ABCA9: variants seen among roughly 807,000 people sequenced by gnomAD.
ABCA9 encodes ATP-binding cassette sub-family A member 9.
A neutral mutation model predicts 205.3 loss-of-function variants in ABCA9; 183 were observed. The observed-to-expected ratio is 0.89, with a 90% CI of 0.79 to 1.01. The LOEUF is 1.01. Among genes scored for constraint, ABCA9 ranks in the 50% least tolerant of loss-of-function variants. The probability of loss-of-function intolerance (pLI) is 0.00; values close to 1 mark genes in which losing one functional copy is unlikely to be tolerated. For synonymous variants in ABCA9, 651 were observed against 683.3 expected, an observed-to-expected ratio of 0.95 and a Z score of 0.74; for missense variants, 1,805 against 1,912.4, an observed-to-expected ratio of 0.94 and a Z score of 1.05.
At chr17:69,073,386 A>G in the ABCA9 span, among the ~76,000 whole-genome samples, 14 of 152,246 alleles carry the variant, frequency 9.2e-5, no homozygotes, top group Non-Finnish European at 2.1e-4. Context: ...AAGAATGGAA[A>G]TCATAACAAA....
chr17:69,018,602 G>A, intron 19 of ABCA9, 23 bp from the exon 20 acceptor site: 1 of 1,525,358 alleles, frequency 6.6e-7, no homozygotes, highest in Non-Finnish European at 8.7e-7. Context: ...AAATGTAAAA[G>A]AAAAAAATAA....
chr17:69,028,955 T>C (rs1257763939), intron 11 of ABCA9, among the ~76,000 whole-genome samples: 11 of 151,890 alleles, frequency 7.2e-5, no homozygotes, highest in Admixed American at 6.6e-4. Context: ...CTATCATATA[T>C]CTTTCAAACC....
intron 28 of ABCA9, among the ~76,000 whole-genome samples, chr17:68,991,524 T>TATCTC (rs2069454431): frequency 1.3e-5 from 2 of 152,296 alleles, no homozygotes; most frequent in Non-Finnish European, 2.9e-5. Context: ...CTCATTCTTT[T>TATCTC]ATCTCTCCCT....
chr17:68,976,678 A>G (rs1311710663), intron 37 of ABCA9, among the ~76,000 whole-genome samples: 1 of 152,194 alleles, frequency 6.6e-6, no homozygotes, highest in Non-Finnish European at 1.5e-5. Flanking sequence ...TAAGTTCTAC[A>G]TGACTCTACC....
intron 37 of ABCA9, among the ~76,000 whole-genome samples, chr17:68,981,846 A>AG (rs1164203570): frequency 6.6e-6 from 1 of 150,380 alleles, no homozygotes; most frequent in Admixed American, 6.6e-5. Context: ...AAAAAAAAAA[A>AG]AAAAAAAAAA....
intron 31 of ABCA9, among the ~76,000 whole-genome samples, chr17:68,987,745 TG>T (rs200240414): frequency 0.056 from 5,148 of 91,906 alleles, 283 homozygotes; most frequent in African/African-American, 0.13. Flanking sequence ...CGTTTTTTTT[TG>T]TTTGTTTGTT....
At chr17:69,005,128 G>A (rs897820993) in intron 25 of ABCA9, among the ~76,000 whole-genome samples, 2 of 152,158 alleles carry the variant, frequency 1.3e-5, no homozygotes, top group African/African-American at 2.4e-5. Flanking sequence ...GTTCCTATTC[G>A]GCCATCTTGG....
upstream of ABCA9, among the ~76,000 whole-genome samples, chr17:69,062,137 C>CT (rs2072271923): frequency 6.9e-6 from 1 of 144,134 alleles, no homozygotes; most frequent in Non-Finnish European, 1.5e-5. Flanking sequence ...GACTGTCAAA[C>CT]TTAAAAAAAA....
intron 9 of ABCA9, 118 bp downstream of exon 9, chr17:69,033,608 G>A (rs754897540): frequency 3.7e-6 from 3 of 808,798 alleles, no homozygotes; most frequent in Admixed American, 2.6e-5. Flanking sequence ...ATATCATTAG[G>A]CTTGTTGTAG....
chr17:69,009,363 G>C (rs2070285424), intron 23 of ABCA9, among the ~76,000 whole-genome samples: 2 of 152,174 alleles, frequency 1.3e-5, no homozygotes. Context: ...TGACCGGTCA[G>C]AAAGCACTGT....
At chr17:69,015,162 G>GTGTT (rs1215952132) in intron 22 of ABCA9, among the ~76,000 whole-genome samples, 1 of 151,870 alleles carries the variant, frequency 6.6e-6, no homozygotes, top group East Asian at 1.9e-4. Context: ...TCTATTCCAT[G>GTGTT]TGTTAGACTG....
At chr17:69,014,813 C>T (rs944017501) in intron 22 of ABCA9, among the ~76,000 whole-genome samples, 3 of 152,138 alleles carry the variant, frequency 2.0e-5, no homozygotes, top group Non-Finnish European at 4.4e-5. Context: ...AGGATGGACA[C>T]ATCAAACAAT....
intron 18 of ABCA9, 53 bp downstream of exon 18, chr17:69,021,689 C>T: frequency 8.5e-7 from 1 of 1,180,240 alleles, no homozygotes; most frequent in Non-Finnish European, 1.2e-6. Context: ...TCCTTCCTTC[C>T]TTCCTTCCTT....
upstream of ABCA9, among the ~76,000 whole-genome samples, chr17:69,064,707 TAG>T (rs1163529740): frequency 2.0e-5 from 3 of 152,232 alleles, no homozygotes; most frequent in Non-Finnish European, 4.4e-5. Context: ...CACCAAATGC[TAG>T]AGACTCTACT....
At chr17:69,010,089 A>T (rs2070316398) in intron 23 of ABCA9, among the ~76,000 whole-genome samples, 1 of 151,978 alleles carries the variant, frequency 6.6e-6, no homozygotes, top group Non-Finnish European at 1.5e-5. Flanking sequence ...ATTTATAGAG[A>T]TGAGTAACAA....
At chr17:68,980,516 C>A (rs1418677033) in intron 37 of ABCA9, among the ~76,000 whole-genome samples, 2 of 152,040 alleles carry the variant, frequency 1.3e-5, no homozygotes, top group African/African-American at 4.8e-5. Flanking sequence ...TTCACAATAG[C>A]AAAGACTTGG....
chr17:69,014,993 A>G (rs2144242270), intron 22 of ABCA9, among the ~76,000 whole-genome samples: 1 of 152,276 alleles, frequency 6.6e-6, no homozygotes. Flanking sequence ...ACATACGTAG[A>G]AACTGCTAGC....
chr17:68,990,728 T>C (rs2069421572), intron 29 of ABCA9, 109 bp downstream of exon 29: 1 of 1,337,194 alleles, frequency 7.5e-7, no homozygotes, highest in African/African-American at 1.5e-5. Flanking sequence ...AAGCTGTATG[T>C]GTAAGAATGA....
the ABCA9 span, among the ~76,000 whole-genome samples, chr17:69,071,129 AG>A: frequency 1.3e-5 from 2 of 152,222 alleles, no homozygotes; most frequent in African/African-American, 4.8e-5. Context: ...TCCCTGGGAC[AG>A]AGCACCTGGG....
Sources: allele counts gnomAD v4.1 joint callset (sites outside exome capture counted in the v4.1 genomes callset), GRCh38; gene constraint gnomAD v4.1.1; transcripts MANE v1.5; gene names NCBI Gene and HGNC (gene_info 2026-07-23, HGNC 2026-07-21).